Variants in ZNF804B observed in about 807,000 individuals in gnomAD.
ZNF804B encodes zinc finger 804B.
A neutral mutation model predicts 101.4 loss-of-function variants in ZNF804B; 80 were observed. That is an observed-to-expected ratio of 0.79 (90% CI 0.66 to 0.95). ZNF804B has a LOEUF of 0.95. ZNF804B is among the 40% of genes least tolerant of loss of function. ZNF804B has a pLI of 0.00. For missense variants in ZNF804B, 1,673 were observed against 1,561.9 expected, an observed-to-expected ratio of 1.07 and a Z score of -1.20; for synonymous variants, 622 against 558.8, an observed-to-expected ratio of 1.11 and a Z score of -1.59.
chr7:89,138,394 G>T (rs182317331), intron 1 of ZNF804B, among the ~76,000 whole-genome samples: 3 of 152,260 alleles, frequency 2.0e-5, no homozygotes, highest in African/African-American at 4.8e-5. Context: ...TGTGACCGTT[G>T]TATCTAGGAA....
At chr7:88,969,837 CT>C (rs1793506128) in intron 1 of ZNF804B, among the ~76,000 whole-genome samples, 1 of 151,570 alleles carries the variant, frequency 6.6e-6, no homozygotes, top group Non-Finnish European at 1.5e-5. Context: ...TATAAACCTT[CT>C]ATATAAATTG....
intron 2 of ZNF804B, among the ~76,000 whole-genome samples, chr7:89,296,154 T>C (rs187031711): frequency 4.0e-4 from 61 of 152,144 alleles, no homozygotes; most frequent in African/African-American, 1.3e-3. Context: ...GAAACAAAAA[T>C]AAATACATAT....
At chr7:89,158,163 T>C (rs953665030) in intron 1 of ZNF804B, among the ~76,000 whole-genome samples, 12 of 152,192 alleles carry the variant, frequency 7.9e-5, no homozygotes, top group African/African-American at 2.9e-4. Flanking sequence ...AATCACTTTC[T>C]TGGCTCTGGC....
At chr7:89,169,745 A>G (rs1045005753) in intron 1 of ZNF804B, among the ~76,000 whole-genome samples, 2 of 152,212 alleles carry the variant, frequency 1.3e-5, no homozygotes, top group Admixed American at 6.5e-5. Context: ...AAAATATTCA[A>G]TTAACTTATA....
At chr7:89,140,474 T>TACATTG (rs1248103054) in intron 1 of ZNF804B, among the ~76,000 whole-genome samples, 1 of 152,138 alleles carries the variant, frequency 6.6e-6, no homozygotes, top group African/African-American at 2.4e-5. Context: ...TTCCTTATGC[T>TACATTG]ACATTGAAAA....
intron 1 of ZNF804B, among the ~76,000 whole-genome samples, chr7:89,143,295 C>T (rs531163933): frequency 6.6e-6 from 1 of 151,780 alleles, no homozygotes; most frequent in East Asian, 2.0e-4. Flanking sequence ...TCTCCTTCTC[C>T]AGGACATGTT....
chr7:88,868,962 C>T (rs900858280), intron 1 of ZNF804B, among the ~76,000 whole-genome samples: 1 of 152,010 alleles, frequency 6.6e-6, no homozygotes, highest in Non-Finnish European at 1.5e-5. Flanking sequence ...AGAAGAATCA[C>T]CTATTGAAGA....
At chr7:88,834,017 C>T (rs564978462) in intron 1 of ZNF804B, among the ~76,000 whole-genome samples, 1 of 151,842 alleles carries the variant, frequency 6.6e-6, no homozygotes, top group East Asian at 1.9e-4. Context: ...GGCTAGTTTT[C>T]AGCATCTATT....
chr7:89,188,793 G>T (rs2115606587), intron 1 of ZNF804B, among the ~76,000 whole-genome samples: 1 of 152,240 alleles, frequency 6.6e-6, no homozygotes, highest in South Asian at 2.1e-4. Flanking sequence ...CTTTAATTCT[G>T]TGAAAGCTAG....
intron 1 of ZNF804B, among the ~76,000 whole-genome samples, chr7:89,147,552 G>A (rs951754723): frequency 1.3e-5 from 2 of 152,042 alleles, no homozygotes; most frequent in African/African-American, 4.8e-5. Context: ...AAAATGTAGA[G>A]TATAGAGCAG....
chr7:89,149,258 C>G (rs888432366), intron 1 of ZNF804B, among the ~76,000 whole-genome samples: 18 of 151,978 alleles, frequency 1.2e-4, no homozygotes, highest in Admixed American at 2.0e-4. Flanking sequence ...CACAAAAGAA[C>G]AGAATTTGAG....
rs555620665 is a variant in ZNF804B, at chr7:89,125,398, AC to A, written c.109-92756del. On this transcript the variant is annotated intron_variant, in intron 1 of 3. Coordinates refer to ENST00000333190, the MANE Select transcript of ZNF804B (RefSeq NM_181646.5). ...AATGATCAAAATAATTTATGCCTGG[AC>A]TAACTTTCAAACTTCTTATTTTTAT... Among the ~76,000 whole-genome samples, 228 of 151,968 alleles carry A rather than the reference AC, an allele frequency of 1.5e-3. 1 individual carries two copies. Among genetic ancestry groups the A allele is most frequent in the Non-Finnish European group, 2.5e-3 (170 of 67,954 alleles).
intron 1 of ZNF804B, among the ~76,000 whole-genome samples, chr7:89,108,531 C>G (rs1345275935): frequency 2.6e-5 from 4 of 152,130 alleles, no homozygotes; most frequent in African/African-American, 9.7e-5. Context: ...TGATTTCACT[C>G]TCTTTGAACA....
chr7:88,866,667 A>T (rs1013414094), intron 1 of ZNF804B, among the ~76,000 whole-genome samples: 2 of 152,186 alleles, frequency 1.3e-5, no homozygotes, highest in Non-Finnish European at 2.9e-5. Flanking sequence ...CAAATGAGTA[A>T]TCCCAGCCAG....
chr7:89,079,432 CAG>C (rs2116310448), intron 1 of ZNF804B, among the ~76,000 whole-genome samples: 1 of 152,108 alleles, frequency 6.6e-6, no homozygotes, highest in South Asian at 2.1e-4. Flanking sequence ...GATTTGAATA[CAG>C]AGTCCTTCAC....
At chr7:88,832,338 C>T (rs1356854027) in intron 1 of ZNF804B, among the ~76,000 whole-genome samples, 2 of 151,934 alleles carry the variant, frequency 1.3e-5, no homozygotes, top group African/African-American at 4.8e-5. Context: ...CCTTAAAACA[C>T]ATACTGAATG....
At chr7:89,105,896 G>C (rs1398414052) in intron 1 of ZNF804B, among the ~76,000 whole-genome samples, 1 of 152,072 alleles carries the variant, frequency 6.6e-6, no homozygotes, top group Non-Finnish European at 1.5e-5. Context: ...GTGGTTCACA[G>C]AACTCAGGGA....
chr7:89,141,567 G>A (rs1790715578), intron 1 of ZNF804B, among the ~76,000 whole-genome samples: 1 of 151,870 alleles, frequency 6.6e-6, no homozygotes, highest in South Asian at 2.1e-4. Flanking sequence ...ATTCTTTTGG[G>A]AATATGCCTA....
At chr7:88,877,738 G>A (rs568602669) in intron 1 of ZNF804B, among the ~76,000 whole-genome samples, 3 of 152,128 alleles carry the variant, frequency 2.0e-5, no homozygotes, top group African/African-American at 7.2e-5. Flanking sequence ...GCATATGAAA[G>A]TATTAAATAC....
Sources: gnomAD v4.1 joint callset for allele counts (sites outside exome capture counted in the v4.1 genomes callset) on GRCh38, gnomAD v4.1.1 for gene constraint, MANE v1.5 for transcripts, NCBI Gene and HGNC (gene_info 2026-07-23, HGNC 2026-07-21) for gene names.